Variants in ZSWIM5 observed in about 807,000 individuals in gnomAD.
The protein encoded by ZSWIM5 is zinc finger SWIM domain-containing protein 5.
In ZSWIM5, 55 loss-of-function variants were observed where a neutral mutation model predicts 119.6. The ratio of observed to expected loss-of-function variants is 0.46; its 90% CI spans 0.37 to 0.58. The LOEUF is 0.58. Among genes scored for constraint, ZSWIM5 ranks in the 20% least tolerant of loss-of-function variants. ZSWIM5 has a pLI of 0.00. For synonymous variants in ZSWIM5, 537 were observed against 606.9 expected, an observed-to-expected ratio of 0.88 and a Z score of 1.69; for missense variants, 1,193 against 1,512.8, an observed-to-expected ratio of 0.79 and a Z score of 3.51.
rs1378002243 is a variant in ZSWIM5 at position 45,206,217 on chromosome 1, C to G, written c.134G>C (p.Gly45Ala). 7 of 1,588,158 alleles carry G rather than the reference C, an allele frequency of 4.4e-6. No homozygotes were observed. The Admixed American group carries it at 7.1e-5, about 16-fold the overall frequency. Residue 45 changes from glycine (G) to alanine (A), a missense_variant, in exon 1 of 14, where the codon GGG (glycine) becomes GCG (alanine). By Grantham distance (60) the Gly-to-Ala change is moderately conservative (BLOSUM62 0). Transcript: ENST00000359600. The part of the protein sequence containing the change: ...GSPGAAGGGA[G>A]GVGSSCLVLG... ...GACCAGGCAGCTGCTGCCGACGCCC[C>G]CTGCCCCTCCGCCGGCTGCCCCAGG...
intron 11 of ZSWIM5, among the ~76,000 whole-genome samples, chr1:45,028,850 A>T (rs1218043120): frequency 6.6e-6 from 1 of 152,214 alleles, no homozygotes; most frequent in Admixed American, 6.5e-5. Context: ...TGGGAGCCCA[A>T]GGTGGGAGGA....
At chr1:45,050,947 A>T (rs1645084972) in intron 5 of ZSWIM5, 127 bp downstream of exon 5, 1 of 910,998 alleles carries the variant, frequency 1.1e-6, no homozygotes, top group Non-Finnish European at 1.6e-6. Flanking sequence ...ATAAAAACAC[A>T]GGCTTTTCTT....
chr1:45,025,482 AT>A (rs938206083), intron 11 of ZSWIM5, among the ~76,000 whole-genome samples: 8 of 151,930 alleles, frequency 5.3e-5, no homozygotes, highest in East Asian at 3.9e-4. Flanking sequence ...ATCATCTTTG[AT>A]TTTTTTTCAT....
rs55717021 is a variant in ZSWIM5 at position 45,038,604 on chromosome 1, C to CT, written c.1894+331dup. On this transcript the variant is annotated intron_variant, in intron 8 of 13. Coordinates refer to ENST00000359600, the MANE Select transcript of ZSWIM5 (RefSeq NM_020883.2). The stretch of plus-strand genomic sequence containing the variant: ...GGAGAAAAGGGCTGACGAGGGCAGT[C>CT]TTTTTTTTTTTTTTTTTAATGAAAC... Among the ~76,000 whole-genome samples the CT allele has an allele frequency of 8.3e-3, 405 of 48,514 alleles. 41 individuals carry two copies. The East Asian group carries it at 0.18, about 21-fold the overall frequency. 31.8% of individuals were successfully genotyped at this position (48,514 alleles called of 152,430 possible).
intron 6 of ZSWIM5, among the ~76,000 whole-genome samples, chr1:45,041,625 C>G (rs1009005519): frequency 5.3e-5 from 8 of 151,746 alleles, no homozygotes; most frequent in African/African-American, 1.9e-4. Flanking sequence ...CAACCTCCGC[C>G]TCCCAGGTCC....
chr1:45,163,284 A>G (rs1645876571), intron 1 of ZSWIM5, among the ~76,000 whole-genome samples: 4 of 152,214 alleles, frequency 2.6e-5, no homozygotes. Context: ...AAAAGAAACA[A>G]ACAGAAAGGA....
At chr1:45,191,065 G>T (rs1054294610) in intron 1 of ZSWIM5, among the ~76,000 whole-genome samples, 1 of 145,658 alleles carries the variant, frequency 6.9e-6, no homozygotes, top group African/African-American at 2.5e-5. Flanking sequence ...TCCTGCCTCA[G>T]CCTCCCGAGT....
chr1:45,191,308 G>A (rs769458290), intron 1 of ZSWIM5, among the ~76,000 whole-genome samples: 1 of 152,174 alleles, frequency 6.6e-6, no homozygotes, highest in Non-Finnish European at 1.5e-5. Context: ...GACCTCAGAT[G>A]AAGCAGATCT....
intron 1 of ZSWIM5, among the ~76,000 whole-genome samples, chr1:45,102,619 G>C (rs953854478): frequency 6.6e-6 from 1 of 152,080 alleles, no homozygotes; most frequent in Non-Finnish European, 1.5e-5. Flanking sequence ...CTTAATAACT[G>C]ACTGTGTATG....
intron 1 of ZSWIM5, among the ~76,000 whole-genome samples, chr1:45,187,544 G>C (rs1000043954): frequency 6.6e-6 from 1 of 151,878 alleles, no homozygotes; most frequent in African/African-American, 2.4e-5. Flanking sequence ...TGGTTTCTTA[G>C]CTATACTATC....
At chr1:45,163,541 T>C (rs926525489) in intron 1 of ZSWIM5, among the ~76,000 whole-genome samples, 3 of 152,194 alleles carry the variant, frequency 2.0e-5, no homozygotes, top group Non-Finnish European at 4.4e-5. Context: ...TAAAGGAGGA[T>C]GTTCGAACCC....
intron 11 of ZSWIM5, among the ~76,000 whole-genome samples, chr1:45,033,737 G>A (rs1017237007): frequency 3.3e-5 from 5 of 152,164 alleles, no homozygotes; most frequent in Non-Finnish European, 7.3e-5. Context: ...TGAAACTGAG[G>A]CGTAGAAAGG....
chr1:45,106,509 T>C (rs1645479990), intron 1 of ZSWIM5, among the ~76,000 whole-genome samples: 1 of 140,540 alleles, frequency 7.1e-6, no homozygotes, highest in Non-Finnish European at 1.5e-5. Flanking sequence ...CTCTGGGAGG[T>C]GGGGAGCGCC....
chr1:45,081,456 GCGCGCCGCCA>G (rs1220955087), intron 2 of ZSWIM5, among the ~76,000 whole-genome samples: 114 of 152,342 alleles, frequency 7.5e-4, no homozygotes, highest in African/African-American at 2.5e-3. Flanking sequence ...AATTGCAGGC[GCGCGCCGCCA>G]CGCCTGACTG....
At chr1:45,185,445 C>T (rs1309774304) in intron 1 of ZSWIM5, among the ~76,000 whole-genome samples, 9 of 151,762 alleles carry the variant, frequency 5.9e-5, no homozygotes, top group East Asian at 1.9e-4. Flanking sequence ...AAAGAAACTA[C>T]GATCAGAGTG....
intron 1 of ZSWIM5, among the ~76,000 whole-genome samples, chr1:45,125,602 T>C (rs973950485): frequency 6.6e-6 from 1 of 151,862 alleles, no homozygotes; most frequent in Non-Finnish European, 1.5e-5. Flanking sequence ...GGTGAAACCC[T>C]GTCTCTACTA....
intron 1 of ZSWIM5, among the ~76,000 whole-genome samples, chr1:45,190,345 C>T (rs1256684802): frequency 6.6e-6 from 1 of 152,022 alleles, no homozygotes; most frequent in Non-Finnish European, 1.5e-5. Flanking sequence ...AGTCACCACC[C>T]ATTCCCAGGT....
intron 1 of ZSWIM5, among the ~76,000 whole-genome samples, chr1:45,156,171 G>C (rs1645825550): frequency 6.6e-6 from 1 of 152,090 alleles, no homozygotes; most frequent in Non-Finnish European, 1.5e-5. Flanking sequence ...ACTATCCTAA[G>C]TGAATTAATG....
intron 11 of ZSWIM5, among the ~76,000 whole-genome samples, chr1:45,024,261 G>T (rs1489366652): frequency 2.7e-5 from 4 of 149,732 alleles, no homozygotes; most frequent in Non-Finnish European, 5.9e-5. Context: ...CCGTGATCTG[G>T]GCTCACTGCA....
Sources: gnomAD v4.1 joint callset for allele counts (sites outside exome capture counted in the v4.1 genomes callset) on GRCh38, gnomAD v4.1.1 for gene constraint, MANE v1.5 for transcripts, NCBI Gene and HGNC (gene_info 2026-07-23, HGNC 2026-07-21) for gene names.